DYRK4: variants seen among roughly 807,000 people sequenced by gnomAD.
DYRK4 encodes dual specificity tyrosine phosphorylation regulated kinase 4, also known as dual specificity tyrosine-phosphorylation-regulated kinase 4.
In DYRK4, 64 loss-of-function variants were observed where a neutral mutation model predicts 68.3. That is an observed-to-expected ratio of 0.94 (90% CI 0.77 to 1.15). The LOEUF (loss-of-function observed/expected upper bound fraction) is 1.15, where lower values mean the gene tolerates loss of function less well. DYRK4 is among the 50% of genes most tolerant of loss of function. DYRK4 has a pLI of 0.00. For missense variants in DYRK4, 740 were observed against 764.7 expected, an observed-to-expected ratio of 0.97 and a Z score of 0.38; for synonymous variants, 274 against 289.9, an observed-to-expected ratio of 0.95 and a Z score of 0.56.
At chr12:4,606,883 G>C (rs1945158154) in intron 11 of DYRK4, among the ~76,000 whole-genome samples, 2 of 152,194 alleles carry the variant, frequency 1.3e-5, no homozygotes, top group African/African-American at 2.4e-5. Context: ...ACAAGTAGGT[G>C]CTACACTTTT....
chr12:4,592,656 G>A lies in DYRK4; in HGVS notation c.464-346G>A, dbSNP rs144358050. On this transcript the variant is annotated intron_variant, in intron 5 of 14. Transcript: ENST00000543431. Reference sequence around the variant, plus strand: ...CGGACTAATTATAGCTTAATTCCACGTTAACTTGGGCAACTTGCCACCTAA... The same window carrying A: ...CGGACTAATTATAGCTTAATTCCACATTAACTTGGGCAACTTGCCACCTAA... 723 of 173,950 alleles carry A rather than the reference G, an allele frequency of 4.2e-3. 5 individuals carry two copies. Among genetic ancestry groups the A allele is most frequent in the African/African-American group, 0.015 (647 of 42,234 alleles). The allele number at this position is 173,950 out of a possible 1,614,324, so 10.8% of individuals were successfully genotyped here.
intron 2 of DYRK4, among the ~76,000 whole-genome samples, chr12:4,582,776 G>C (rs73257423): frequency 0.024 from 3,651 of 152,234 alleles, 151 homozygotes; most frequent in African/African-American, 0.081. Context: ...GGAACAGTGC[G>C]GTGTTTGAAA....
chr12:4,590,556 T>G (rs1418055425), intron 4 of DYRK4, 116 bp downstream of exon 4: 2 of 1,465,338 alleles, frequency 1.4e-6, no homozygotes, highest in Admixed American at 2.5e-5. Flanking sequence ...GCTGAAGAGG[T>G]GGGTTCTAGT....
At chr12:4,585,300 C>G (rs911793590) in intron 2 of DYRK4, among the ~76,000 whole-genome samples, 1 of 152,182 alleles carries the variant, frequency 6.6e-6, no homozygotes, top group African/African-American at 2.4e-5. Flanking sequence ...ATGCCTCCTT[C>G]TAGAGCCTAT....
At chr12:4,573,072 T>C (rs1300841934) in intron 2 of DYRK4, 1 of 333,314 alleles carries the variant, frequency 3.0e-6, no homozygotes, top group Non-Finnish European at 5.8e-6. Flanking sequence ...GCTAGTTCTG[T>C]CTAGGTTTTT....
rs1945127779 is a variant in DYRK4 at position 4,605,098 on chromosome 12, G to A, written c.1299+12G>A. 2 of 1,606,804 alleles carry A rather than the reference G, an allele frequency of 1.2e-6. No individual in the cohort carries two copies. Among genetic ancestry groups the A allele is most frequent in the African/African-American group, 1.3e-5 (1 of 74,736 alleles). Reference sequence around the variant, plus strand: ...CCTGCATCATGGAGGTACGCGGAGGGCTGGCGGTCGGCTCCCACGGAGACC... The same window carrying A: ...CCTGCATCATGGAGGTACGCGGAGGACTGGCGGTCGGCTCCCACGGAGACC... On this transcript the variant is annotated intron_variant, in intron 11 of 14. Transcript: ENST00000543431.
Position 4,610,209 on chromosome 12 carries a change from C to G in DYRK4, c.1415C>G (p.Pro472Arg). The change falls in exon 13 of 15, where the codon CCA (proline) becomes CGA (arginine). Residue 472 changes from proline to arginine, a missense_variant. Physicochemically the swap from Pro to Arg is moderately radical, Grantham distance 103. Around this residue, in one of 3 missense-constraint regions of DYRK4, gnomAD observed 614 missense variants for 603.7 expected, o/e 1.02. Transcript: ENST00000543431. Reference sequence around the variant, plus strand: ...AACAACAGGGGGAAAAAAAGATACCCAGATTCCAAGGACCTCACGATGGTG... The same window carrying G: ...AACAACAGGGGGAAAAAAAGATACCGAGATTCCAAGGACCTCACGATGGTG... ...ITNNRGKKRY[P>R]DSKDLTMVLK... The G allele has an allele frequency of 6.2e-7, 1 of 1,601,594 alleles. No homozygotes were observed. Among genetic ancestry groups the G allele is most frequent in the Non-Finnish European group, 8.5e-7 (1 of 1,175,076 alleles).
chr12:4,596,220 GGCCA>G lies in DYRK4; in HGVS notation c.700_703del (p.Ala234SerfsTer13). The stretch of plus-strand genomic sequence containing the variant: ...TCGGGAAGGGGTCCTTTGGACAGGT[GGCCA>G]AGTGCTTGGATCACAAAAACAATGA... On this transcript the variant is annotated frameshift_variant, in exon 7 of 15. Coordinates refer to ENST00000543431, the MANE Select transcript of DYRK4 (RefSeq NM_001394779.1). LOFTEE classifies it high-confidence loss of function. 6.2e-7 allele frequency: 1 copy of G among 1,614,178 alleles called. No individual in the cohort carries two copies. Among genetic ancestry groups the G allele is most frequent in the Non-Finnish European group, 8.5e-7 (1 of 1,180,024 alleles).
chr12:4,598,806 C>T (rs554232292), intron 8 of DYRK4, among the ~76,000 whole-genome samples: 2 of 152,308 alleles, frequency 1.3e-5, no homozygotes, highest in African/African-American at 4.8e-5. Context: ...CTTGTCACAT[C>T]AGAAATGAGG....
At position 4,605,046 on chromosome 12, in the gene DYRK4, C is replaced by T. The variant is rs150673847; in HGVS notation, c.1259C>T (p.Pro420Leu). 1.4e-5 allele frequency: 23 copies of T among 1,613,808 alleles called. No homozygotes were observed. Among genetic ancestry groups the T allele is most frequent in the Middle Eastern group, 1.6e-4 (1 of 6,080 alleles). Residue 420 changes from proline to leucine, a missense_variant, in exon 11 of 15, where the codon CCC becomes CTC. Physicochemically the swap from Pro to Leu is moderately conservative, Grantham distance 98. Around this residue, in one of 3 missense-constraint regions of DYRK4, gnomAD observed 614 missense variants for 603.7 expected, o/e 1.02. Coordinates refer to ENST00000543431, the MANE Select transcript of DYRK4 (RefSeq NM_001394779.1). ...AELYTGYPLF[P>L]GENEVEQLAC... ...TTGTACACGGGCTACCCCCTGTTCC[C>T]CGGGGAGAATGAGGTGGAGCAGCTG... is the stretch of plus-strand genomic sequence containing the variant.
chr12:4,603,270 C>T, intron 10 of DYRK4: 2 of 890,860 alleles, frequency 2.2e-6, no homozygotes, highest in East Asian at 2.5e-5. Flanking sequence ...TCTTTTAAGT[C>T]TTGGTTAATA....
chr12:4,599,261 T>G, intron 9 of DYRK4, 95 bp downstream of exon 9: 7 of 1,007,316 alleles, frequency 6.9e-6, no homozygotes, highest in African/African-American at 1.7e-5. Context: ...ATCAAATAAT[T>G]GCCTTTGACT....
At chr12:4,602,534 T>G (rs1945093297) in intron 10 of DYRK4, 1 of 1,181,760 alleles carries the variant, frequency 8.5e-7, no homozygotes, top group Non-Finnish European at 1.2e-6. Flanking sequence ...ATAAGCCAAC[T>G]TATAAGTGGA....
At chr12:4,572,451 T>TTTGTTG (rs527847736) in intron 2 of DYRK4, among the ~76,000 whole-genome samples, 1 of 151,894 alleles carries the variant, frequency 6.6e-6, no homozygotes, top group Non-Finnish European at 1.5e-5. Flanking sequence ...CTGGCTAATT[T>TTTGTTG]TTGTTGTTGT....
chr12:4,607,457 C>G, intron 12 of DYRK4, 70 bp downstream of exon 12: 1 of 1,543,722 alleles, frequency 6.5e-7, no homozygotes, highest in Non-Finnish European at 8.9e-7. Flanking sequence ...AGGCTCATTT[C>G]ATTCTTTTCC....
At chr12:4,609,433 C>T (rs1396457145) in intron 12 of DYRK4, among the ~76,000 whole-genome samples, 2 of 152,182 alleles carry the variant, frequency 1.3e-5, no homozygotes, top group Non-Finnish European at 2.9e-5. Flanking sequence ...CACGGTTGTC[C>T]ACTTCAGTTC....
chr12:4,608,578 G>GCC (rs1299642103), intron 12 of DYRK4, among the ~76,000 whole-genome samples: 1 of 152,036 alleles, frequency 6.6e-6, no homozygotes, highest in African/African-American at 2.4e-5. Context: ...ACAGCCCTGA[G>GCC]CCCTGCTACA....
At chr12:4,599,673 C>A (rs1945059564) in intron 9 of DYRK4, 34 bp from the exon 10 acceptor site, 1 of 1,563,492 alleles carries the variant, frequency 6.4e-7, no homozygotes, top group African/African-American at 1.4e-5. Flanking sequence ...GGCCGCATTA[C>A]TGTAGCTTGA....
intron 9 of DYRK4, 94 bp downstream of exon 9, chr12:4,599,260 T>G: frequency 5.3e-6 from 6 of 1,138,088 alleles, no homozygotes; most frequent in Non-Finnish European, 7.3e-6. Flanking sequence ...AATCAAATAA[T>G]TGCCTTTGAC....
Sources: allele counts gnomAD v4.1 joint callset (sites outside exome capture counted in the v4.1 genomes callset), GRCh38; gene constraint gnomAD v4.1.1; regional missense constraint gnomAD v4.1.1; transcripts MANE v1.5; gene names NCBI Gene and HGNC (gene_info 2026-07-23, HGNC 2026-07-21).